The following PIK3C2G variants were observed in gnomAD, a reference collection of about 807,000 sequenced individuals.
The protein encoded by PIK3C2G is phosphatidylinositol 3-kinase C2 domain-containing subunit gamma.
PIK3C2G carries 168 observed loss-of-function variants against 181.1 expected under a neutral mutation model. That is an observed-to-expected ratio of 0.93 (90% CI 0.82 to 1.05). The LOEUF (loss-of-function observed/expected upper bound fraction) is 1.05, where lower values mean the gene tolerates loss of function less well. Ranked by LOEUF, PIK3C2G falls within the 50% of genes least tolerant of loss-of-function variation. The probability of loss-of-function intolerance (pLI) is 0.00; values close to 1 mark genes in which losing one functional copy is unlikely to be tolerated. For synonymous variants in PIK3C2G, 573 were observed against 592.2 expected (o/e 0.97, Z 0.47); for missense variants, 1,869 against 1,732.8 (o/e 1.08, Z -1.40).
At chr12:18,471,555 C>CA (rs1938459683) in intron 18 of PIK3C2G, among the ~76,000 whole-genome samples, 1 of 152,118 alleles carries the variant, frequency 6.6e-6, no homozygotes, top group Non-Finnish European at 1.5e-5. Flanking sequence ...TGGCTTATGA[C>CA]AGTCTTATCT....
In PIK3C2G at chr12:18,465,994, T is replaced by G. The variant is rs148050065; in HGVS notation, c.2505-22455T>G. On this transcript the variant is annotated intron_variant, in intron 18 of 32. Coordinates refer to ENST00000538779, the MANE Select transcript of PIK3C2G (RefSeq NM_001288772.2). ...TTCCTACACTAGATTCTAGATAATTTTTTAAAAATTTTATTCCTGTTCTCT... is the reference window on the plus strand; with the variant it reads ...TTCCTACACTAGATTCTAGATAATTGTTTAAAAATTTTATTCCTGTTCTCT... Among the ~76,000 whole-genome samples, 40 of 151,762 alleles carry G rather than the reference T, an allele frequency of 2.6e-4. No homozygotes were observed. The East Asian group carries it at 7.5e-3, about 29-fold the overall frequency.
intron 23 of PIK3C2G, among the ~76,000 whole-genome samples, chr12:18,504,303 T>C (rs984667184): frequency 6.6e-6 from 1 of 152,216 alleles, no homozygotes; most frequent in Non-Finnish European, 1.5e-5. Context: ...TAAAATTACC[T>C]TGAAGTCTAC....
rs531847966 is a variant in PIK3C2G at position 18,627,061 on chromosome 12, T to C, written c.4183-13368T>C. 4.6e-5 allele frequency among the ~76,000 whole-genome samples: 7 copies of C among 152,042 alleles called. No homozygotes were observed. The South Asian group carries it at 1.2e-3, about 27-fold the overall frequency. ...CCAACATTCCCATAAATTTTCCTTC[T>C]TCCATTTTTTTTTTCTTTTTGCTCC... On this transcript the variant is annotated intron_variant, in intron 31 of 32. Coordinates refer to ENST00000538779, the MANE Select transcript of PIK3C2G (RefSeq NM_001288772.2).
intron 18 of PIK3C2G, among the ~76,000 whole-genome samples, chr12:18,450,120 GC>G (rs1947267219): frequency 6.6e-6 from 1 of 151,940 alleles, no homozygotes; most frequent in Non-Finnish European, 1.5e-5. Flanking sequence ...CTTTTTAATA[GC>G]GTTGTTTTTT....
chr12:18,688,983 G>A, the PIK3C2G span, among the ~76,000 whole-genome samples: 5 of 151,542 alleles, frequency 3.3e-5, no homozygotes, highest in African/African-American at 1.2e-4. Flanking sequence ...GGGAAGGAAG[G>A]AGGGAGAGAA....
intron 18 of PIK3C2G, among the ~76,000 whole-genome samples, chr12:18,475,330 C>G (rs1288587740): frequency 6.7e-6 from 1 of 149,504 alleles, no homozygotes; most frequent in Non-Finnish European, 1.5e-5. Context: ...GCTTAGATTA[C>G]TTAACTAAAT....
At chr12:18,460,495 A>AC (rs1947859092) in intron 18 of PIK3C2G, among the ~76,000 whole-genome samples, 1 of 151,464 alleles carries the variant, frequency 6.6e-6, no homozygotes, top group African/African-American at 2.4e-5. Context: ...AGTCGCTTGA[A>AC]CCCGGGAGGC....
At chr12:18,444,057 T>G (rs1946886749) in intron 18 of PIK3C2G, among the ~76,000 whole-genome samples, 1 of 152,256 alleles carries the variant, frequency 6.6e-6, no homozygotes, top group South Asian at 2.1e-4. Flanking sequence ...AATCAGAGAG[T>G]GCCAAGGCAC....
At chr12:18,630,304 A>G (rs1239617804) in intron 31 of PIK3C2G, among the ~76,000 whole-genome samples, 4 of 152,130 alleles carry the variant, frequency 2.6e-5, no homozygotes, top group African/African-American at 7.2e-5. Context: ...AGGCAGGAGA[A>G]TCACTCAAAC....
intron 13 of PIK3C2G, among the ~76,000 whole-genome samples, chr12:18,381,530 C>T (rs1470771577): frequency 1.3e-5 from 2 of 152,126 alleles, no homozygotes; most frequent in Non-Finnish European, 2.9e-5. Context: ...AAATAATTTT[C>T]TCATGTGCAA....
At chr12:18,536,683 A>G (rs1485009405) in intron 24 of PIK3C2G, among the ~76,000 whole-genome samples, 3 of 152,070 alleles carry the variant, frequency 2.0e-5, no homozygotes, top group Non-Finnish European at 4.4e-5. Context: ...GAGACATAGC[A>G]GGTCCAGAAT....
chr12:18,288,681 A>G (rs541958160), intron 3 of PIK3C2G, among the ~76,000 whole-genome samples: 1 of 152,302 alleles, frequency 6.6e-6, no homozygotes, highest in Non-Finnish European at 1.5e-5. Context: ...AGTCTAAAAT[A>G]TGGTTAATTT....
rs745886923 is a variant in PIK3C2G at position 18,314,070 on chromosome 12, A to T, written c.1137+6A>T. On this transcript the variant is annotated splice_donor_region_variant and intron_variant, in intron 6 of 32. Transcript: ENST00000538779. ...CAGGAAAGCTATCTCGAAAGGTAAG[A>T]CTTTCTTAGCATTGGTTTCAATTGG... The T allele has an allele frequency of 2.1e-5, 31 of 1,463,524 alleles. No individual in the cohort carries two copies. The highest frequency in any genetic ancestry group is 2.4e-5 in the Non-Finnish European group (26 of 1,061,238). The allele number at this position is 1,463,524 out of a possible 1,614,324, so 90.7% of individuals were successfully genotyped here.
At chr12:18,683,734 G>A in the PIK3C2G span, 418 of 817,536 alleles carry the variant, frequency 5.1e-4, no homozygotes, top group African/African-American at 6.5e-3. Flanking sequence ...CCCTGAAAAG[G>A]GGTCAGGAAA....
chr12:18,304,415 C>T (rs1305751779), intron 5 of PIK3C2G, among the ~76,000 whole-genome samples: 2 of 152,200 alleles, frequency 1.3e-5, no homozygotes, highest in Middle Eastern at 3.4e-3. Flanking sequence ...TGCCACCATG[C>T]CCAGCTAATT....
chr12:18,381,821 G>A lies in PIK3C2G; in HGVS notation c.1936G>A (p.Val646Ile), dbSNP rs776582655. 6.4e-5 allele frequency: 104 copies of A among 1,613,768 alleles called. No individual in the cohort carries two copies. Among genetic ancestry groups the A allele is most frequent in the Middle Eastern group, 1.6e-4 (1 of 6,062 alleles). The change falls in exon 14 of 33, where the codon GTA (valine) becomes ATA (isoleucine). Residue 646 changes from valine to isoleucine, a missense_variant. Val to Ile is a conservative substitution (Grantham distance 29). Transcript: ENST00000538779. Reference protein sequence around the residue: ...FSMTLQSEPPVEMITPGVWDV... With the variant: ...FSMTLQSEPPIEMITPGVWDV... ...CATGACATTACAGAGTGAGCCTCCC[G>A]TAGAAATGATAACTCCAGGAGTGTG...
chr12:18,246,138 C>T (rs1026971033), upstream of PIK3C2G, among the ~76,000 whole-genome samples: 1 of 152,086 alleles, frequency 6.6e-6, no homozygotes, highest in East Asian at 1.9e-4. Context: ...CCATGATCAT[C>T]TTTTGCAAAA....
intron 6 of PIK3C2G, among the ~76,000 whole-genome samples, chr12:18,318,806 A>AG (rs1024188370): frequency 6.6e-6 from 1 of 151,894 alleles, no homozygotes; most frequent in African/African-American, 2.4e-5. Flanking sequence ...AAAAAAAAAA[A>AG]AAAGCAGGCC....
chr12:18,680,133 G>T, the PIK3C2G span, among the ~76,000 whole-genome samples: 1 of 151,972 alleles, frequency 6.6e-6, no homozygotes, highest in Non-Finnish European at 1.5e-5. Context: ...TGAGAAGAAA[G>T]GGATATTAAG....
Sources: allele counts gnomAD v4.1 joint callset (sites outside exome capture counted in the v4.1 genomes callset), GRCh38; gene constraint gnomAD v4.1.1; transcripts MANE v1.5; gene names NCBI Gene and HGNC (gene_info 2026-07-23, HGNC 2026-07-21).